Variants in CALCR observed in about 807,000 individuals in gnomAD.
The protein encoded by CALCR is calcitonin receptor.
A neutral mutation model predicts 59.5 loss-of-function variants in CALCR; 47 were observed. The observed-to-expected ratio is 0.79, with a 90% CI of 0.63 to 1.01. The LOEUF is 1.01. CALCR is among the 50% of genes least tolerant of loss of function. The probability of loss-of-function intolerance (pLI) is 0.00; values close to 1 mark genes in which losing one functional copy is unlikely to be tolerated. For missense variants in CALCR, 566 were observed against 597.1 expected (o/e 0.95, Z 0.54); for synonymous variants, 213 against 211.3 (o/e 1.01, Z -0.07).
intron 2 of CALCR, among the ~76,000 whole-genome samples, chr7:93,570,177 C>T (rs2116292561): frequency 6.6e-6 from 1 of 152,154 alleles, no homozygotes; most frequent in African/African-American, 2.4e-5. Context: ...AAATACCAGG[C>T]TGAAGAGGGG....
chr7:93,537,633 T>C (rs1162090212), intron 2 of CALCR, among the ~76,000 whole-genome samples: 1 of 151,842 alleles, frequency 6.6e-6, no homozygotes, highest in Non-Finnish European at 1.5e-5. Flanking sequence ...TTATGTCAAT[T>C]ACTTAACTAG....
intron 3 of CALCR, among the ~76,000 whole-genome samples, chr7:93,481,531 G>T (rs1438011016): frequency 6.6e-6 from 1 of 151,824 alleles, no homozygotes; most frequent in Non-Finnish European, 1.5e-5. Flanking sequence ...CCCAAGAAAG[G>T]GAAGATGCTG....
chr7:93,479,718 A>G (rs1317703201), intron 3 of CALCR, among the ~76,000 whole-genome samples: 1 of 150,658 alleles, frequency 6.6e-6, no homozygotes, highest in Non-Finnish European at 1.5e-5. Context: ...CATTTGCATT[A>G]GTTTCCATTT....
chr7:93,432,737 G>A (rs867627295), intron 13 of CALCR, among the ~76,000 whole-genome samples: 2 of 152,098 alleles, frequency 1.3e-5, no homozygotes, highest in African/African-American at 4.8e-5. Context: ...ATGCCCCACT[G>A]AGCCTGATTT....
chr7:93,482,783 A>G, intron 3 of CALCR: 1 of 533,634 alleles, frequency 1.9e-6, no homozygotes, highest in Admixed American at 1.9e-5. Context: ...CATTCTTGCA[A>G]TATTGAAACA....
intron 2 of CALCR, among the ~76,000 whole-genome samples, chr7:93,498,692 G>A (rs1801261413): frequency 6.6e-6 from 1 of 151,620 alleles, no homozygotes; most frequent in Admixed American, 6.6e-5. Flanking sequence ...GAATCACTAA[G>A]CATACTGAAG....
At chr7:93,551,505 G>T (rs1789458486) in intron 2 of CALCR, among the ~76,000 whole-genome samples, 1 of 152,048 alleles carries the variant, frequency 6.6e-6, no homozygotes, top group Non-Finnish European at 1.5e-5. Flanking sequence ...GGTTTTTTTA[G>T]TGCCAGTTAT....
At chr7:93,453,861 A>G (rs1562979653) in intron 8 of CALCR, among the ~76,000 whole-genome samples, 2 of 152,058 alleles carry the variant, frequency 1.3e-5, no homozygotes, top group Admixed American at 1.3e-4. Flanking sequence ...AATCCTCTAT[A>G]CTTTTCTGCA....
chr7:93,546,245 G>C (rs76756145), intron 2 of CALCR, among the ~76,000 whole-genome samples: 2,742 of 152,182 alleles, frequency 0.018, 36 homozygotes, highest in Non-Finnish European at 0.03. Context: ...GCTCACACCT[G>C]TTGTCCTGAT....
At chr7:93,486,311 A>G (rs190549843) in intron 3 of CALCR, among the ~76,000 whole-genome samples, 48 of 151,790 alleles carry the variant, frequency 3.2e-4, no homozygotes, top group Non-Finnish European at 6.3e-4. Flanking sequence ...TAAGATGATT[A>G]TATTTCCGAT....
At position 93,435,851 on chromosome 7, in the gene CALCR, CAAAT is replaced by C. The variant is rs1200026349; in HGVS notation, c.1149+97_1149+100del. The C allele has an allele frequency of 7.3e-5, 31 of 423,980 alleles. No homozygotes were observed. The South Asian group carries it at 1.4e-3, about 19-fold the overall frequency. The allele number at this position is 423,980 out of a possible 1,614,324, so 26.3% of individuals were successfully genotyped here. On this transcript the variant is annotated intron_variant, in intron 12 of 13. Coordinates refer to ENST00000426151, the MANE Select transcript of CALCR (RefSeq NM_001742.4). ...ATAAATAAATAAATAAATAAATAAA[CAAAT>C]AAGTAAAATAATAATAAAAGATCAT...
At chr7:93,569,057 T>G (rs1374275669) in intron 2 of CALCR, among the ~76,000 whole-genome samples, 1 of 146,272 alleles carries the variant, frequency 6.8e-6, no homozygotes, top group Non-Finnish European at 1.5e-5. Flanking sequence ...TCCTACAAAA[T>G]CTACCTTTAA....
intron 2 of CALCR, among the ~76,000 whole-genome samples, chr7:93,514,952 C>G (rs990836519): frequency 2.0e-5 from 3 of 152,018 alleles, no homozygotes; most frequent in African/African-American, 7.2e-5. Flanking sequence ...CAACTTGAAA[C>G]TGTACCACTC....
At chr7:93,519,909 T>C (rs1188655888) in intron 2 of CALCR, among the ~76,000 whole-genome samples, 1 of 152,012 alleles carries the variant, frequency 6.6e-6, no homozygotes, top group Non-Finnish European at 1.5e-5. Flanking sequence ...GAGGCCTCCC[T>C]AGCCATGTGG....
intron 7 of CALCR, 33 bp downstream of exon 7, chr7:93,468,682 G>T: frequency 7.0e-7 from 1 of 1,423,186 alleles, no homozygotes. Flanking sequence ...CTTAAAGGAG[G>T]AAATAAAGAG....
chr7:93,460,113 G>GA (rs757804619), intron 8 of CALCR, among the ~76,000 whole-genome samples: 19 of 152,254 alleles, frequency 1.2e-4, no homozygotes, highest in Middle Eastern at 3.4e-3. Flanking sequence ...ATGAAGAGGG[G>GA]ATCAATATCT....
intron 2 of CALCR, among the ~76,000 whole-genome samples, chr7:93,552,722 G>A (rs773320005): frequency 6.6e-6 from 1 of 152,134 alleles, no homozygotes; most frequent in Non-Finnish European, 1.5e-5. Flanking sequence ...CTCCAAACAT[G>A]AATATAGCAC....
At chr7:93,430,518 A>G (rs535519929) in intron 13 of CALCR, among the ~76,000 whole-genome samples, 19 of 152,306 alleles carry the variant, frequency 1.2e-4, no homozygotes, top group Admixed American at 4.6e-4. Flanking sequence ...CTAAAGGGTA[A>G]CAATACCTAA....
At chr7:93,475,885 C>T (rs1162322794) in intron 5 of CALCR, among the ~76,000 whole-genome samples, 1 of 151,846 alleles carries the variant, frequency 6.6e-6, no homozygotes, top group Non-Finnish European at 1.5e-5. Flanking sequence ...CCTGGAGACT[C>T]TCCACATGTG....
Sources: allele counts gnomAD v4.1 joint callset (sites outside exome capture counted in the v4.1 genomes callset), GRCh38; gene constraint gnomAD v4.1.1; transcripts MANE v1.5; gene names NCBI Gene and HGNC (gene_info 2026-07-23, HGNC 2026-07-21).